The following FGF12 variants were observed in gnomAD, a reference collection of about 807,000 sequenced individuals.
FGF12 encodes fibroblast growth factor 12B.
Under a neutral mutation model 23.6 loss-of-function variants are expected in FGF12, and 14 were observed. That is an observed-to-expected ratio of 0.59 (90% CI 0.39 to 0.93). The LOEUF (loss-of-function observed/expected upper bound fraction) is 0.93. Ranked by LOEUF, FGF12 falls within the 40% of genes least tolerant of loss-of-function variation. FGF12 has a pLI of 0.00. For synonymous variants in FGF12, 62 were observed against 77.3 expected, an observed-to-expected ratio of 0.80 and a Z score of 1.04; for missense variants, 175 against 217.8, an observed-to-expected ratio of 0.80 and a Z score of 1.24.
chr3:192,312,043 T>C (rs1445166992), intron 4 of FGF12, among the ~76,000 whole-genome samples: 1 of 152,110 alleles, frequency 6.6e-6, no homozygotes, highest in African/African-American at 2.4e-5. Flanking sequence ...GTTATAAGAG[T>C]TCTTTATATA....
intron 2 of FGF12, among the ~76,000 whole-genome samples, chr3:192,603,735 C>T (rs1259755205): frequency 6.6e-6 from 1 of 152,092 alleles, no homozygotes; most frequent in Non-Finnish European, 1.5e-5. Context: ...AAAAGCAGAA[C>T]AAAGATCACA....
At position 192,469,895 on chromosome 3, in the gene FGF12, G is replaced by A. The variant is rs1363967414; in HGVS notation, c.14-109357C>T. Reference sequence around the variant, plus strand: ...CCACTTATGTAAATTTAAAACACACGCCTACATAAAAATTATCTGTTTTAC... The same window carrying A: ...CCACTTATGTAAATTTAAAACACACACCTACATAAAAATTATCTGTTTTAC... On this transcript the variant is annotated intron_variant, in intron 2 of 5. Coordinates refer to ENST00000445105, the MANE Select transcript of FGF12 (RefSeq NM_004113.6). Among the ~76,000 whole-genome samples the A allele has an allele frequency of 5.3e-5, 8 of 152,122 alleles. No homozygotes were observed. The South Asian group carries it at 8.3e-4, about 16-fold the overall frequency.
intron 2 of FGF12, among the ~76,000 whole-genome samples, chr3:192,553,940 TC>T (rs1711639822): frequency 6.6e-6 from 1 of 152,090 alleles, no homozygotes; most frequent in Admixed American, 6.5e-5. Flanking sequence ...TCTATACCCT[TC>T]CCCTCTGGCT....
chr3:192,210,758 T>C (rs1393013661), intron 4 of FGF12, among the ~76,000 whole-genome samples: 3 of 152,150 alleles, frequency 2.0e-5, no homozygotes, highest in Non-Finnish European at 4.4e-5. Context: ...GAGACAGTCA[T>C]GTAATAAATA....
In FGF12 at chr3:192,435,122, G is replaced by A. The variant is rs76129306; in HGVS notation, c.14-74584C>T. ...TAAGTGATTTTACAGCTGTTCCAAT[G>A]TTCTATGATCTATAAAGCATAAAGT... On this transcript the variant is annotated intron_variant, in intron 2 of 5. Transcript: ENST00000445105. Among the ~76,000 whole-genome samples, 1,510 of 152,146 alleles carry A rather than the reference G, an allele frequency of 9.9e-3. 26 individuals carry two copies. Among genetic ancestry groups the A allele is most frequent in the African/African-American group, 0.034 (1,404 of 41,522 alleles).
chr3:192,305,036 G>C (rs1196090947), intron 4 of FGF12, among the ~76,000 whole-genome samples: 3 of 152,106 alleles, frequency 2.0e-5, no homozygotes, highest in African/African-American at 7.2e-5. Context: ...TGGAGGAATG[G>C]AGCAGAAACA....
At chr3:192,182,991 C>T (rs540404396) in intron 4 of FGF12, among the ~76,000 whole-genome samples, 67 of 152,326 alleles carry the variant, frequency 4.4e-4, no homozygotes, top group Non-Finnish European at 8.1e-4. Flanking sequence ...TTAAATTATA[C>T]ATTCATCTAA....
At chr3:192,503,622 G>C (rs1480163123) in intron 2 of FGF12, among the ~76,000 whole-genome samples, 1 of 66,536 alleles carries the variant, frequency 1.5e-5, no homozygotes, top group Admixed American at 1.8e-4. Flanking sequence ...TTTTTTTTTT[G>C]AGATGGAGTC....
intron 2 of FGF12, among the ~76,000 whole-genome samples, chr3:192,491,681 A>C (rs1407726674): frequency 1.3e-5 from 2 of 152,180 alleles, no homozygotes; most frequent in Admixed American, 1.3e-4. Flanking sequence ...ATAAACTCTG[A>C]AACTGTATAT....
At chr3:192,565,477 G>T (rs142271978) in intron 2 of FGF12, among the ~76,000 whole-genome samples, 1 of 152,282 alleles carries the variant, frequency 6.6e-6, no homozygotes, top group Non-Finnish European at 1.5e-5. Context: ...GGTCCTATAA[G>T]ATTATAATAC....
In FGF12 at chr3:192,292,069, T is replaced by C. The variant is rs191206300; in HGVS notation, c.228+43292A>G. On this transcript the variant is annotated intron_variant, in intron 4 of 5. Coordinates refer to ENST00000445105, the MANE Select transcript of FGF12 (RefSeq NM_004113.6). ...TTGACACTCAACCAAAATATGAAAA[T>C]GGCTAACATTCACACCAAATTTTGA... Among the ~76,000 whole-genome samples, 526 of 152,250 alleles carry C rather than the reference T, an allele frequency of 3.5e-3. 1 individual carries two copies. Among genetic ancestry groups the C allele is most frequent in the Non-Finnish European group, 5.3e-3 (358 of 68,012 alleles).
chr3:192,412,649 A>T (rs987735585), intron 2 of FGF12, among the ~76,000 whole-genome samples: 2 of 152,224 alleles, frequency 1.3e-5, no homozygotes, highest in Non-Finnish European at 2.9e-5. Flanking sequence ...GTGAGTATAA[A>T]GAAATTTAAG....
chr3:192,185,752 C>T (rs1256170563), intron 4 of FGF12, among the ~76,000 whole-genome samples: 7 of 151,424 alleles, frequency 4.6e-5, no homozygotes, highest in South Asian at 2.1e-4. Context: ...CCCAGCTACT[C>T]GGGAGGCTGA....
intron 3 of FGF12, among the ~76,000 whole-genome samples, chr3:192,354,001 T>C (rs998111128): frequency 3.9e-5 from 6 of 152,254 alleles, no homozygotes; most frequent in African/African-American, 1.4e-4. Flanking sequence ...GTTCATAGTT[T>C]AGCAATAAAA....
At position 192,288,898 on chromosome 3, in the gene FGF12, CAT is replaced by C. The variant is rs1714607758; in HGVS notation, c.228+46461_228+46462del. Among the ~76,000 whole-genome samples the C allele has an allele frequency of 5.3e-5, 8 of 152,170 alleles. No individual in the cohort carries two copies. The South Asian group carries it at 1.7e-3, about 32-fold the overall frequency. The stretch of plus-strand genomic sequence containing the variant: ...ATGTCTTCAACATTACCTAAGCTCT[CAT>C]GTGCACCATGCCTTTTATGCTTAAC... On this transcript the variant is annotated intron_variant, in intron 4 of 5. Coordinates refer to ENST00000445105, the MANE Select transcript of FGF12 (RefSeq NM_004113.6).
chr3:192,241,257 T>C (rs1577269653), intron 4 of FGF12, among the ~76,000 whole-genome samples: 1 of 152,158 alleles, frequency 6.6e-6, no homozygotes, highest in East Asian at 1.9e-4. Context: ...TTTAAACATA[T>C]GCAAGGATTA....
At chr3:192,485,076 T>A (rs951721652) in intron 2 of FGF12, among the ~76,000 whole-genome samples, 1 of 150,758 alleles carries the variant, frequency 6.6e-6, no homozygotes, top group African/African-American at 2.4e-5. Flanking sequence ...ACATAAATTT[T>A]AAAATTTTAA....
chr3:192,328,227 T>C (rs2108688870), intron 4 of FGF12, among the ~76,000 whole-genome samples: 1 of 152,338 alleles, frequency 6.6e-6, no homozygotes, highest in East Asian at 1.9e-4. Context: ...CCTTGGTTTC[T>C]GGAAGGTAAT....
At chr3:192,564,615 C>T (rs901232899) in intron 2 of FGF12, among the ~76,000 whole-genome samples, 2 of 152,174 alleles carry the variant, frequency 1.3e-5, no homozygotes, top group Non-Finnish European at 2.9e-5. Context: ...ACCATCTGCA[C>T]ACTTAAAGAA....
Sources: gnomAD v4.1 joint callset for allele counts (sites outside exome capture counted in the v4.1 genomes callset) on GRCh38, gnomAD v4.1.1 for gene constraint, MANE v1.5 for transcripts, NCBI Gene and HGNC (gene_info 2026-07-23, HGNC 2026-07-21) for gene names.